SLC18A1: variants seen among roughly 807,000 people sequenced by gnomAD.
The protein encoded by SLC18A1 is chromaffin granule amine transporter.
SLC18A1 carries 69 observed loss-of-function variants against 53.7 expected under a neutral mutation model. That is an observed-to-expected ratio of 1.28 (90% CI 1.06 to 1.57). The LOEUF is 1.57. Among genes scored for constraint, SLC18A1 ranks in the 40% most tolerant of loss-of-function variants. SLC18A1 has a pLI of 0.00. For missense variants in SLC18A1, 932 were observed against 668.1 expected (o/e 1.40, Z -4.35); for synonymous variants, 320 against 248.1 (o/e 1.29, Z -2.72).
intron 5 of SLC18A1, 72 bp downstream of exon 5, chr8:20,174,289 A>G (rs1040249154): frequency 2.8e-6 from 3 of 1,065,286 alleles, no homozygotes; most frequent in East Asian, 2.4e-5. Flanking sequence ...TAAATATAGG[A>G]TCTGAGGTAG....
intron 1 of SLC18A1, among the ~76,000 whole-genome samples, 170 bp from the exon 2 acceptor site, chr8:20,181,257 T>A (rs979334221): frequency 6.6e-6 from 1 of 152,210 alleles, no homozygotes; most frequent in African/African-American, 2.4e-5. Context: ...GATTTATATC[T>A]AGCCATTAAT....
chr8:20,164,781 T>G, intron 10 of SLC18A1, 88 bp downstream of exon 10: 1 of 972,324 alleles, frequency 1.0e-6, no homozygotes, highest in East Asian at 2.5e-5. Context: ...AAAGGAAGCA[T>G]GTTGTCCCTG....
intron 10 of SLC18A1, among the ~76,000 whole-genome samples, chr8:20,164,233 G>T (rs1393807006): frequency 6.6e-6 from 1 of 152,108 alleles, no homozygotes; most frequent in African/African-American, 2.4e-5. Context: ...GGAAGGGCTA[G>T]ATCCTCCTCT....
At chr8:20,153,954 G>A (rs1428225814) in intron 10 of SLC18A1, among the ~76,000 whole-genome samples, 1 of 152,096 alleles carries the variant, frequency 6.6e-6, no homozygotes, top group East Asian at 1.9e-4. Context: ...AGGTGTTTGG[G>A]TCATGGGAAT....
rs76784034 is a variant in SLC18A1 at position 20,182,181 on chromosome 8, C to T, written c.-124+882G>A. Among the ~76,000 whole-genome samples, 1,240 of 152,200 alleles carry T rather than the reference C, an allele frequency of 8.1e-3. 16 individuals carry two copies. The highest frequency in any genetic ancestry group is 0.028 in the African/African-American group (1,174 of 41,510). On this transcript the variant is annotated intron_variant, in intron 1 of 15. Coordinates refer to ENST00000276373, the MANE Select transcript of SLC18A1 (RefSeq NM_003053.4). ...TATCAGGCCCTAAAAATTGTATACTCTTTGACTTAGTAACTCTACTACAAG... is the reference window on the plus strand; with the variant it reads ...TATCAGGCCCTAAAAATTGTATACTTTTTGACTTAGTAACTCTACTACAAG...
At chr8:20,174,184 G>GT (rs1201980045) in intron 5 of SLC18A1, among the ~76,000 whole-genome samples, 177 bp downstream of exon 5, 2 of 152,060 alleles carry the variant, frequency 1.3e-5, no homozygotes, top group African/African-American at 4.8e-5. Context: ...AAGTGCAGGG[G>GT]TTACAGGTGT....
At chr8:20,178,121 A>AAC (rs10560327) in intron 4 of SLC18A1, among the ~76,000 whole-genome samples, 3,622 of 148,800 alleles carry the variant, frequency 0.024, 112 homozygotes, top group African/African-American at 0.074. Flanking sequence ...TGATGCATAT[A>AAC]ACACACACAC....
intron 10 of SLC18A1, among the ~76,000 whole-genome samples, chr8:20,158,772 C>G (rs754336654): frequency 1.3e-5 from 2 of 152,172 alleles, no homozygotes; most frequent in Admixed American, 6.5e-5. Context: ...CCCTTATACT[C>G]TGCTTTCCCA....
chr8:20,160,145 C>G (rs1246411300), intron 10 of SLC18A1, among the ~76,000 whole-genome samples: 1 of 151,206 alleles, frequency 6.6e-6, no homozygotes, highest in East Asian at 1.9e-4. Context: ...GTAAGCACAC[C>G]TTAGTGTATT....
At chr8:20,146,163 C>G (rs574421982) in intron 15 of SLC18A1, among the ~76,000 whole-genome samples, 71 of 152,238 alleles carry the variant, frequency 4.7e-4, no homozygotes, top group Non-Finnish European at 7.8e-4. Flanking sequence ...GATGCGCCCG[C>G]CTCAGCCTCC....
chr8:20,183,017 A>T (rs560175334), intron 1 of SLC18A1, 46 bp downstream of exon 1: 33 of 152,332 alleles, frequency 2.2e-4, no homozygotes, highest in African/African-American at 7.5e-4. Flanking sequence ...CAGAGACACA[A>T]ATCACAAGGA....
intron 15 of SLC18A1, among the ~76,000 whole-genome samples, chr8:20,146,851 A>G (rs1384999136): frequency 1.3e-5 from 2 of 149,824 alleles, no homozygotes; most frequent in East Asian, 1.9e-4. Context: ...TGACCTGGTA[A>G]GGATAATGTT....
At chr8:20,150,562 TA>T in intron 11 of SLC18A1, 103 bp downstream of exon 11, 1 of 1,049,370 alleles carries the variant, frequency 9.5e-7, no homozygotes, top group Non-Finnish European at 1.5e-6. Flanking sequence ...GTACTCATCC[TA>T]AACTTTCAAC....
chr8:20,146,768 G>C (rs1016306648), intron 15 of SLC18A1, among the ~76,000 whole-genome samples: 23 of 143,716 alleles, frequency 1.6e-4, no homozygotes, highest in African/African-American at 5.2e-4. Flanking sequence ...AGGTTGTGGT[G>C]AGCCGAGATC....
intron 10 of SLC18A1, among the ~76,000 whole-genome samples, chr8:20,159,520 G>A (rs2071764285): frequency 6.6e-6 from 1 of 151,294 alleles, no homozygotes; most frequent in Non-Finnish European, 1.5e-5. Flanking sequence ...ACAGAGGGAG[G>A]GACAATGATC....
In SLC18A1 at chr8:20,156,726, G is replaced by A. The variant is rs1056437619; in HGVS notation, c.1016-5982C>T. Among the ~76,000 whole-genome samples the A allele has an allele frequency of 6.6e-5, 10 of 152,128 alleles. 1 individual carries two copies. Among genetic ancestry groups the A allele is most frequent in the African/African-American group, 9.7e-5 (4 of 41,438 alleles). ...TTTCTTACCCAAAAGGACTTAATCCGGGGCAACAAAAAGTTTAAGATCAAT... is the reference window on the plus strand; with the variant it reads ...TTTCTTACCCAAAAGGACTTAATCCAGGGCAACAAAAAGTTTAAGATCAAT... On this transcript the variant is annotated intron_variant, in intron 10 of 15. Coordinates refer to ENST00000276373, the MANE Select transcript of SLC18A1 (RefSeq NM_003053.4).
rs988148970 is a variant in SLC18A1 at position 20,148,343 on chromosome 8, C to T, written c.1147-273G>A. On this transcript the variant is annotated intron_variant, in intron 12 of 15. Coordinates refer to ENST00000276373, the MANE Select transcript of SLC18A1 (RefSeq NM_003053.4). ...GATCAAGTTTGGACCTCAGACTTGG[C>T]TCCATTATGCTCTAACGAGGGTCTT... 6.7e-6 allele frequency: 5 copies of T among 751,810 alleles called. No homozygotes were observed. The Admixed American group carries it at 1.5e-4, about 22-fold the overall frequency. The allele number at this position is 751,810 out of a possible 1,614,324, so 46.6% of individuals were successfully genotyped here. A position where few individuals can be genotyped will look rare whatever the true frequency, so the allele number is the denominator to read the frequency against.
intron 11 of SLC18A1, among the ~76,000 whole-genome samples, chr8:20,150,205 G>T (rs2071514360): frequency 6.6e-6 from 1 of 152,182 alleles, no homozygotes; most frequent in African/African-American, 2.4e-5. Context: ...TAAAATTAAA[G>T]CTGTCCTTAT....
intron 8 of SLC18A1, among the ~76,000 whole-genome samples, chr8:20,166,289 C>CTATATATATATATATA (rs1181101416): frequency 9.3e-6 from 1 of 107,260 alleles, no homozygotes; most frequent in African/African-American, 3.4e-5. Context: ...GTGTGTGTGT[C>CTATATATATATATATA]TATATATATA....
Sources: allele counts gnomAD v4.1 joint callset (sites outside exome capture counted in the v4.1 genomes callset), GRCh38; gene constraint gnomAD v4.1.1; transcripts MANE v1.5; gene names NCBI Gene and HGNC (gene_info 2026-07-23, HGNC 2026-07-21).